The following HIPK2 variants were observed in gnomAD, a reference collection of about 807,000 sequenced individuals.
HIPK2 encodes homeodomain interacting protein kinase 2.
In HIPK2, 27 loss-of-function variants were observed where a neutral mutation model predicts 113.7. That is an observed-to-expected ratio of 0.24 (90% CI 0.17 to 0.33). The LOEUF (loss-of-function observed/expected upper bound fraction) is 0.33, where lower values mean the gene tolerates loss of function less well. HIPK2 is among the 10% of genes least tolerant of loss of function. The probability of loss-of-function intolerance (pLI) is 1.00; values close to 1 mark genes in which losing one functional copy is unlikely to be tolerated. For synonymous variants in HIPK2, 631 were observed against 642.2 expected (o/e 0.98, Z 0.26); for missense variants, 1,257 against 1,588.0 (o/e 0.79, Z 3.54).
rs1794120661 is a variant in HIPK2, at chr7:139,683,493, A to G, written c.1103+32439T>C. Among the ~76,000 whole-genome samples, 1 of 151,308 alleles carries G rather than the reference A, an allele frequency of 6.6e-6. No homozygotes were observed. Among genetic ancestry groups the G allele is most frequent in the Admixed American group, 6.5e-5 (1 of 15,274 alleles). On this transcript the variant is annotated intron_variant, in intron 2 of 14. Transcript: ENST00000406875. This position sits in a 1 kb window ranked among gnomAD's most constrained non-coding sequence, Gnocchi z 4.2. ...CTCACAACACGGGAGCCAAAGCGAG[A>G]AATACCAGAGAGAGAGACACACGCA...
intron 9 of HIPK2, among the ~76,000 whole-genome samples, chr7:139,610,120 G>A (rs1337731692): frequency 6.6e-6 from 1 of 152,184 alleles, no homozygotes; most frequent in Admixed American, 6.5e-5. Context: ...GTTCTCCCCT[G>A]CTACGATTAA....
At chr7:139,574,539 C>A (rs1798423270) in intron 14 of HIPK2, among the ~76,000 whole-genome samples, 2 of 152,196 alleles carry the variant, frequency 1.3e-5, no homozygotes, top group East Asian at 1.9e-4. Context: ...ACACAAACAC[C>A]CCATTTATCT....
At chr7:139,681,681 T>G (rs1045129871) in intron 2 of HIPK2, among the ~76,000 whole-genome samples, 4 of 152,144 alleles carry the variant, frequency 2.6e-5, no homozygotes, top group African/African-American at 7.2e-5. Flanking sequence ...GAGAGCACAT[T>G]TAAAACTCCT....
intron 2 of HIPK2, among the ~76,000 whole-genome samples, chr7:139,712,791 G>A (rs748919045): frequency 1.2e-4 from 18 of 152,182 alleles, no homozygotes; most frequent in Non-Finnish European, 2.1e-4. Context: ...CAGCTGGGAC[G>A]AAAAGAGACA....
At chr7:139,583,010 C>A (rs1212037835) in intron 13 of HIPK2, among the ~76,000 whole-genome samples, 1 of 152,242 alleles carries the variant, frequency 6.6e-6, no homozygotes, top group African/African-American at 2.4e-5. Context: ...CTTCTCACAT[C>A]TAGACAAAAG....
intron 2 of HIPK2, among the ~76,000 whole-genome samples, chr7:139,689,090 T>C (rs1298770246): frequency 4.6e-5 from 7 of 152,172 alleles, no homozygotes; most frequent in Non-Finnish European, 7.3e-5. Context: ...AAAGCTAAAG[T>C]TGAATCTTCG....
At chr7:139,748,710 T>C (rs1236235822) in intron 1 of HIPK2, among the ~76,000 whole-genome samples, 2 of 152,004 alleles carry the variant, frequency 1.3e-5, no homozygotes, top group African/African-American at 4.8e-5. Flanking sequence ...ACATCTGCAA[T>C]GACCCTATTT....
At chr7:139,680,716 C>A (rs116949800) in intron 2 of HIPK2, among the ~76,000 whole-genome samples, 1 of 152,232 alleles carries the variant, frequency 6.6e-6, no homozygotes, top group Admixed American at 6.5e-5. Context: ...TGTGTGTTCA[C>A]GTGTGCTTCC....
intron 13 of HIPK2, among the ~76,000 whole-genome samples, chr7:139,576,589 G>A (rs889685952): frequency 6.6e-6 from 1 of 152,216 alleles, no homozygotes; most frequent in East Asian, 1.9e-4. Flanking sequence ...AGTATTTTCT[G>A]AGCTCCTGCC....
At chr7:139,593,411 G>C (rs1013587255) in intron 12 of HIPK2, among the ~76,000 whole-genome samples, 3 of 152,238 alleles carry the variant, frequency 2.0e-5, no homozygotes, top group Non-Finnish European at 4.4e-5. Flanking sequence ...ACATGCCCTG[G>C]AGTTCTTACG....
intron 2 of HIPK2, among the ~76,000 whole-genome samples, chr7:139,687,757 G>A (rs573098843): frequency 6.6e-6 from 1 of 152,296 alleles, no homozygotes; most frequent in South Asian, 2.1e-4. Flanking sequence ...GCAGTACAGG[G>A]CAGAGGAACC....
At chr7:139,699,058 A>AG (rs1794635875) in intron 2 of HIPK2, among the ~76,000 whole-genome samples, 1 of 152,060 alleles carries the variant, frequency 6.6e-6, no homozygotes, top group Non-Finnish European at 1.5e-5. Context: ...ACAGCACCAC[A>AG]GCTGCCACGA....
At chr7:139,654,815 ACTACTC>A (rs1298879225) in intron 2 of HIPK2, among the ~76,000 whole-genome samples, 1 of 152,168 alleles carries the variant, frequency 6.6e-6, no homozygotes, top group East Asian at 1.9e-4. Flanking sequence ...CAACTCTCAA[ACTACTC>A]CTTGGATCAC....
At chr7:139,753,697 T>C (rs1273451286) in intron 1 of HIPK2, among the ~76,000 whole-genome samples, 1 of 152,234 alleles carries the variant, frequency 6.6e-6, no homozygotes, top group Non-Finnish European at 1.5e-5. Flanking sequence ...TGAACACTTC[T>C]GAAAATGATC....
chr7:139,716,613 G>A lies in HIPK2; in HGVS notation c.422C>T (p.Thr141Ile). 6.2e-7 allele frequency: 1 copy of A among 1,614,042 alleles called. No homozygotes were observed. Among genetic ancestry groups the A allele is most frequent in the Non-Finnish European group, 8.5e-7 (1 of 1,179,906 alleles). The change falls in exon 2 of 15, where the codon ACA (threonine) becomes ATA (isoleucine). Residue 141 changes from threonine (T) to isoleucine (I), a missense_variant. Transcript: ENST00000406875. The surrounding 1 kb of genome is among the most constrained non-coding windows in gnomAD (Gnocchi z 9.3). The stretch of plus-strand genomic sequence containing the variant: ...CTCCTCGATGATCTGCACGCTGCTT[G>A]TGTTCTCGATCTCCTCGCTCTTACG... ...LKRKSEEIEN[T>I]SSVQIIEEHP...
Position 139,626,803 on chromosome 7 carries a change from C to T in HIPK2, c.1435-18G>A. On this transcript the variant is annotated intron_variant, in intron 5 of 14. Transcript: ENST00000406875. ...ATGTTCACCTGGACGCAAGTAAGGA[C>T]AGGTTACCAAGGAAGACCCCAGCGT... The T allele has an allele frequency of 1.2e-6, 2 of 1,613,442 alleles. No homozygotes were observed. The highest frequency in any genetic ancestry group is 1.7e-6 in the Non-Finnish European group (2 of 1,179,410).
intron 2 of HIPK2, among the ~76,000 whole-genome samples, chr7:139,697,622 T>A (rs1466089747): frequency 6.6e-6 from 1 of 152,136 alleles, no homozygotes; most frequent in Non-Finnish European, 1.5e-5. Flanking sequence ...AAATTAATTT[T>A]TTTCCCTTTT....
intron 1 of HIPK2, among the ~76,000 whole-genome samples, chr7:139,762,282 T>C (rs1796477880): frequency 2.0e-5 from 3 of 152,152 alleles, no homozygotes; most frequent in Admixed American, 2.0e-4. Flanking sequence ...GAACAACAAC[T>C]AGCACCGACA....
intron 2 of HIPK2, among the ~76,000 whole-genome samples, chr7:139,676,177 A>G (rs1017877158): frequency 2.0e-5 from 3 of 151,996 alleles, no homozygotes; most frequent in African/African-American, 7.3e-5. Context: ...ATACACCGCA[A>G]CTCCTCTCTG....
Sources: gnomAD v4.1 joint callset for allele counts (sites outside exome capture counted in the v4.1 genomes callset) on GRCh38, gnomAD v4.1.1 for gene constraint, Gnocchi (gnomAD v3.1) non-coding constraint, MANE v1.5 for transcripts, NCBI Gene and HGNC (gene_info 2026-07-23, HGNC 2026-07-21) for gene names.